Variants in CDK14 observed in about 807,000 individuals in gnomAD.
CDK14 encodes cyclin dependent kinase 14.
A neutral mutation model predicts 60.7 loss-of-function variants in CDK14; 34 were observed. The ratio of observed to expected loss-of-function variants is 0.56; its 90% CI spans 0.43 to 0.75. The LOEUF (loss-of-function observed/expected upper bound fraction) is 0.75, where lower values mean the gene tolerates loss of function less well. Among genes scored for constraint, CDK14 ranks in the 30% least tolerant of loss-of-function variants. The probability of loss-of-function intolerance (pLI) is 0.00; values close to 1 mark genes in which losing one functional copy is unlikely to be tolerated. For synonymous variants in CDK14, 197 were observed against 203.7 expected, an observed-to-expected ratio of 0.97 and a Z score of 0.28; for missense variants, 482 against 564.1, an observed-to-expected ratio of 0.85 and a Z score of 1.47.
intron 2 of CDK14, among the ~76,000 whole-genome samples, chr7:90,674,518 G>A (rs1017421374): frequency 6.6e-6 from 1 of 152,178 alleles, no homozygotes; most frequent in Admixed American, 6.5e-5. Context: ...AGAGAAATGA[G>A]CTATAGACGA....
At chr7:90,934,296 G>A (rs986730168) in intron 8 of CDK14, among the ~76,000 whole-genome samples, 1 of 152,250 alleles carries the variant, frequency 6.6e-6, no homozygotes, top group Non-Finnish European at 1.5e-5. Context: ...TGAGCCAGGT[G>A]CCAGCAATGT....
At position 91,122,029 on chromosome 7, in the gene CDK14, G is replaced by C. The variant is rs146996261; in HGVS notation, c.*28+3821G>C. On this transcript the variant is annotated intron_variant, in intron 14 of 14. Coordinates refer to ENST00000380050, the MANE Select transcript of CDK14 (RefSeq NM_001287135.2). ...TAGCTAAATATAAGGGATAAGAAAG[G>C]TCTCTATTCTTTTAGATATGTTTTG... is the stretch of plus-strand genomic sequence containing the variant. Among the ~76,000 whole-genome samples, 105 of 152,244 alleles carry C rather than the reference G, an allele frequency of 6.9e-4. 2 individuals carry two copies. The Middle Eastern group carries it at 0.014, about 20-fold the overall frequency.
At chr7:91,100,071 A>T (rs924519331) in intron 12 of CDK14, among the ~76,000 whole-genome samples, 3 of 152,152 alleles carry the variant, frequency 2.0e-5, no homozygotes, top group African/African-American at 7.2e-5. Context: ...TTATAAAATC[A>T]TATAATCGCT....
intron 12 of CDK14, among the ~76,000 whole-genome samples, chr7:91,099,773 G>A (rs569969274): frequency 4.7e-4 from 72 of 152,202 alleles, no homozygotes; most frequent in African/African-American, 1.6e-3. Flanking sequence ...GGTTTGTGTG[G>A]TTATGAAGGT....
At chr7:90,877,712 T>C (rs906017130) in intron 6 of CDK14, among the ~76,000 whole-genome samples, 1 of 151,988 alleles carries the variant, frequency 6.6e-6, no homozygotes, top group Non-Finnish European at 1.5e-5. Context: ...GCTGTCTAAA[T>C]CTAACAAGAA....
At chr7:90,784,553 A>G (rs1015600082) in intron 4 of CDK14, among the ~76,000 whole-genome samples, 1 of 152,226 alleles carries the variant, frequency 6.6e-6, no homozygotes, top group Non-Finnish European at 1.5e-5. Context: ...TTATGTATCC[A>G]TAAGTTTTTT....
At chr7:90,750,201 C>G (rs4728932) in intron 4 of CDK14, among the ~76,000 whole-genome samples, 1 of 78,570 alleles carries the variant, frequency 1.3e-5, no homozygotes, top group African/African-American at 5.0e-5. Context: ...CACACACACA[C>G]CAATAATATT....
At chr7:91,103,188 G>A (rs1327649078) in intron 12 of CDK14, among the ~76,000 whole-genome samples, 1 of 152,064 alleles carries the variant, frequency 6.6e-6, no homozygotes, top group Non-Finnish European at 1.5e-5. Context: ...AGTAGGCAGA[G>A]GCTGCAGCAA....
At chr7:90,824,217 A>G (rs995099029) in intron 5 of CDK14, among the ~76,000 whole-genome samples, 2 of 151,168 alleles carry the variant, frequency 1.3e-5, no homozygotes, top group Non-Finnish European at 2.9e-5. Flanking sequence ...CCTGCTTTAC[A>G]TGTGTTATAT....
chr7:90,811,956 G>A (rs1248475181), intron 5 of CDK14, among the ~76,000 whole-genome samples: 4 of 152,158 alleles, frequency 2.6e-5, no homozygotes, highest in Non-Finnish European at 4.4e-5. Flanking sequence ...TCATTAAAAA[G>A]TCAGGAAACA....
chr7:90,641,292 A>C lies in CDK14; in HGVS notation c.123+37043A>C, dbSNP rs1800323581. 2.6e-5 allele frequency among the ~76,000 whole-genome samples: 4 copies of C among 152,260 alleles called. No individual in the cohort carries two copies. In the South Asian group the frequency reaches 8.3e-4, roughly 32 times the overall value. ...CACTCCAAAGTATATACCCGAGAGA[A>C]ATGAAAACGTGTCGACACAGAAACT... On this transcript the variant is annotated intron_variant, in intron 2 of 14. Transcript: ENST00000380050.
intron 8 of CDK14, among the ~76,000 whole-genome samples, chr7:90,932,324 G>C (rs1793619384): frequency 6.6e-6 from 1 of 152,198 alleles, no homozygotes; most frequent in African/African-American, 2.4e-5. Flanking sequence ...GGCCAGCATA[G>C]TGAGACTATG....
At chr7:90,865,128 A>G (rs2117227414) in intron 6 of CDK14, among the ~76,000 whole-genome samples, 1 of 151,614 alleles carries the variant, frequency 6.6e-6, no homozygotes, top group South Asian at 2.1e-4. Context: ...TCCTGTTCTC[A>G]TCATTTTCTA....
At chr7:91,129,038 G>T (rs1800040382) in intron 14 of CDK14, among the ~76,000 whole-genome samples, 1 of 152,100 alleles carries the variant, frequency 6.6e-6, no homozygotes, top group Non-Finnish European at 1.5e-5. Context: ...AAGGTCCCTG[G>T]ATACTAAAGA....
At chr7:90,907,362 A>G (rs1032641880) in intron 7 of CDK14, among the ~76,000 whole-genome samples, 2 of 152,098 alleles carry the variant, frequency 1.3e-5, no homozygotes, top group Non-Finnish European at 2.9e-5. Flanking sequence ...ACAAATGACT[A>G]TAATGGTCTA....
At chr7:90,994,540 A>C (rs1795626322) in intron 10 of CDK14, among the ~76,000 whole-genome samples, 1 of 152,220 alleles carries the variant, frequency 6.6e-6, no homozygotes. Flanking sequence ...CACACTGACC[A>C]TGTAAATTTT....
At chr7:90,909,139 T>C (rs1161428561) in intron 7 of CDK14, among the ~76,000 whole-genome samples, 1 of 152,184 alleles carries the variant, frequency 6.6e-6, no homozygotes, top group Non-Finnish European at 1.5e-5. Context: ...TAGGAAGACC[T>C]ACTGACTCTC....
chr7:91,069,070 A>C (rs960013078), intron 11 of CDK14, among the ~76,000 whole-genome samples: 1 of 152,196 alleles, frequency 6.6e-6, no homozygotes, highest in Non-Finnish European at 1.5e-5. Context: ...GTAGTTGCTC[A>C]ATACATAGTA....
At chr7:91,182,068 TAC>T (rs1260318132) in intron 14 of CDK14, among the ~76,000 whole-genome samples, 1 of 152,118 alleles carries the variant, frequency 6.6e-6, no homozygotes, top group Non-Finnish European at 1.5e-5. Context: ...AGTTTTCACT[TAC>T]CCTTTCTGAT....
Sources: allele counts gnomAD v4.1 joint callset (sites outside exome capture counted in the v4.1 genomes callset), GRCh38; gene constraint gnomAD v4.1.1; transcripts MANE v1.5; gene names NCBI Gene and HGNC (gene_info 2026-07-23, HGNC 2026-07-21).